The following NKAIN3 variants were observed in gnomAD, a reference collection of about 807,000 sequenced individuals.
NKAIN3 encodes sodium/potassium-transporting ATPase subunit beta-1-interacting protein 3.
Under a neutral mutation model 30.2 loss-of-function variants are expected in NKAIN3, and 25 were observed. The observed-to-expected ratio is 0.83, with a 90% CI of 0.60 to 1.16. The LOEUF is 1.16. NKAIN3 is among the 50% of genes most tolerant of loss of function. The pLI is 0.00. For missense variants in NKAIN3, 225 were observed against 254.1 expected, an observed-to-expected ratio of 0.89 and a Z score of 0.78; for synonymous variants, 91 against 89.6, an observed-to-expected ratio of 1.02 and a Z score of -0.09.
Position 62,896,214 on chromosome 8 carries a change from G to A in NKAIN3, c.472-22239G>A, listed in dbSNP as rs561498056. ...TGCCTTCTGTCTGTAACCTCACATG[G>A]TAGGGAAGAGAGACAAAAGGAGACC... On this transcript the variant is annotated intron_variant, in intron 4 of 6. Transcript: ENST00000623646. Among the ~76,000 whole-genome samples the A allele has an allele frequency of 1.7e-3, 264 of 152,158 alleles. 3 individuals carry two copies. The highest frequency in any genetic ancestry group is 1.9e-4 in the Non-Finnish European group (13 of 67,996).
intron 1 of NKAIN3, among the ~76,000 whole-genome samples, chr8:62,344,393 C>T (rs923743772): frequency 6.6e-6 from 1 of 151,942 alleles, no homozygotes; most frequent in Non-Finnish European, 1.5e-5. Flanking sequence ...GTTATCACAA[C>T]AATATTCATG....
intron 4 of NKAIN3, among the ~76,000 whole-genome samples, chr8:62,826,521 A>G (rs1819029845): frequency 6.6e-6 from 1 of 152,210 alleles, no homozygotes; most frequent in African/African-American, 2.4e-5. Context: ...ACTGTGTTAA[A>G]TAAGATTTCC....
chr8:62,848,168 T>C (rs941552324), intron 4 of NKAIN3, among the ~76,000 whole-genome samples: 1 of 152,198 alleles, frequency 6.6e-6, no homozygotes, highest in South Asian at 2.1e-4. Context: ...TTGGCTCTTT[T>C]CTGGTTTTAT....
chr8:62,661,088 G>A (rs1812929375), intron 3 of NKAIN3, among the ~76,000 whole-genome samples: 1 of 152,210 alleles, frequency 6.6e-6, no homozygotes, highest in South Asian at 2.1e-4. Context: ...CCAAAATTTA[G>A]AGTCAATAGA....
At chr8:62,410,254 C>G (rs150215595) in intron 1 of NKAIN3, among the ~76,000 whole-genome samples, 154 of 152,254 alleles carry the variant, frequency 1.0e-3, no homozygotes, top group African/African-American at 3.5e-3. Context: ...ATAATGGCCT[C>G]CAGTGCCACA....
chr8:62,275,944 G>T (rs1812940203), intron 1 of NKAIN3, among the ~76,000 whole-genome samples: 1 of 152,022 alleles, frequency 6.6e-6, no homozygotes, highest in Non-Finnish European at 1.5e-5. Context: ...AGAAACTCAG[G>T]GTATCTTTTT....
In NKAIN3 at chr8:62,984,538, A is replaced by C. The variant is rs1020348135; in HGVS notation, c.*19131A>C. The C allele has an allele frequency of 2.6e-5, 4 of 152,354 alleles. No homozygotes were observed. The highest frequency in any genetic ancestry group is 9.6e-5 in the African/African-American group (4 of 41,586). 9.4% of individuals were successfully genotyped at this position (152,354 alleles called of 1,614,324 possible). The stretch of plus-strand genomic sequence containing the variant: ...TTTCTACTGTCCCATAACACTGTGT[A>C]GTGACTTCACTGTATATTAACTTCT... On this transcript the variant is annotated 3_prime_UTR_variant, in exon 7 of 7. Transcript: ENST00000623646.
At position 62,982,603 on chromosome 8, in the gene NKAIN3, A is replaced by G. The variant is rs1824111787; in HGVS notation, c.*17196A>G. 1 of 152,204 alleles carries G rather than the reference A, an allele frequency of 6.6e-6. No individual in the cohort carries two copies. Among genetic ancestry groups the G allele is most frequent in the African/African-American group, 2.4e-5 (1 of 41,446 alleles). The allele number at this position is 152,204 out of a possible 1,614,324, so 9.4% of individuals were successfully genotyped here. A position where few individuals can be genotyped will look rare whatever the true frequency, so the allele number is the denominator to read the frequency against. On this transcript the variant is annotated 3_prime_UTR_variant, in exon 7 of 7. Transcript: ENST00000623646. ...AATGAGATGCTATCTCTGGAAAAAAATGAATAGATTTTCAAGATTGTGAGT... is the reference window on the plus strand; with the variant it reads ...AATGAGATGCTATCTCTGGAAAAAAGTGAATAGATTTTCAAGATTGTGAGT...
chr8:62,804,191 G>A (rs963912018), intron 4 of NKAIN3, among the ~76,000 whole-genome samples: 1 of 152,170 alleles, frequency 6.6e-6, no homozygotes, highest in Admixed American at 6.5e-5. Flanking sequence ...GGTACAAGGA[G>A]GAACTGGTAC....
At chr8:62,376,587 C>T (rs1441201309) in intron 1 of NKAIN3, among the ~76,000 whole-genome samples, 1 of 152,184 alleles carries the variant, frequency 6.6e-6, no homozygotes, top group Non-Finnish European at 1.5e-5. Flanking sequence ...GGCCTGTCTA[C>T]CTTGCTCTCT....
At chr8:62,805,257 C>T (rs1336161937) in intron 4 of NKAIN3, among the ~76,000 whole-genome samples, 1 of 151,852 alleles carries the variant, frequency 6.6e-6, no homozygotes, top group East Asian at 1.9e-4. Context: ...ATGCCATCCC[C>T]ATCAAGCTAC....
rs1460392269 is a variant in NKAIN3 at position 62,843,842 on chromosome 8, TCTGCTGTAAGAGGGAGTGCTGTTCA to T, written c.472-74606_472-74582del. ...TCTGTGTCTCCTTCTGAAAGGAAAG[TCTGCTGTAAGAGGGAGTGCTGTTCA>T]CTGCAACCTCACTCCTCTCCTTTGC... On this transcript the variant is annotated intron_variant, in intron 4 of 6. Coordinates refer to ENST00000623646, the MANE Select transcript of NKAIN3 (RefSeq NM_001304533.3). Among the ~76,000 whole-genome samples the T allele has an allele frequency of 6.6e-5, 10 of 152,236 alleles. No individual in the cohort carries two copies. In the East Asian group the frequency reaches 1.9e-3, roughly 29 times the overall value.
chr8:62,557,540 C>G (rs1443744299), intron 1 of NKAIN3, among the ~76,000 whole-genome samples: 2 of 152,070 alleles, frequency 1.3e-5, no homozygotes, highest in Non-Finnish European at 2.9e-5. Context: ...TAGAAGTGTT[C>G]CCTGTTTACC....
At chr8:62,897,769 G>T (rs933774502) in intron 4 of NKAIN3, among the ~76,000 whole-genome samples, 1 of 152,046 alleles carries the variant, frequency 6.6e-6, no homozygotes, top group Non-Finnish European at 1.5e-5. Context: ...CATGGTAATG[G>T]ATTAGTTTCT....
chr8:62,538,406 C>T (rs1808733410), intron 1 of NKAIN3, among the ~76,000 whole-genome samples: 1 of 152,126 alleles, frequency 6.6e-6, no homozygotes, highest in African/African-American at 2.4e-5. Context: ...AGCTCCTGAG[C>T]TCAAGCAATT....
At chr8:62,858,307 G>A (rs1820126193) in intron 4 of NKAIN3, among the ~76,000 whole-genome samples, 2 of 152,114 alleles carry the variant, frequency 1.3e-5, no homozygotes, top group South Asian at 4.1e-4. Context: ...ACTTTGTTTG[G>A]GAGGTCTCAC....
rs151019333 is a variant in NKAIN3, at chr8:62,765,570, G to A, written c.471+18441G>A. 1.1e-3 allele frequency among the ~76,000 whole-genome samples: 164 copies of A among 152,222 alleles called. 1 individual carries two copies. Among genetic ancestry groups the A allele is most frequent in the African/African-American group, 3.6e-3 (148 of 41,536 alleles). ...AGTCAGAATTTATATTTGTATAGGA[G>A]CTAGGGTATAAGAAAGGATGAGTCA... On this transcript the variant is annotated intron_variant, in intron 4 of 6. Transcript: ENST00000623646.
At chr8:62,991,113 C>T (rs1824309993) in intron 5 of NKAIN3, 1 of 152,252 alleles carries the variant, frequency 6.6e-6, no homozygotes, top group Admixed American at 6.5e-5. Flanking sequence ...GAACAATGTT[C>T]AGGGAACTGA....
At chr8:62,916,272 A>C (rs1039624928) in intron 4 of NKAIN3, among the ~76,000 whole-genome samples, 1 of 152,232 alleles carries the variant, frequency 6.6e-6, no homozygotes, top group Non-Finnish European at 1.5e-5. Flanking sequence ...ATAGAACATT[A>C]ATACATAGCA....
Sources: gnomAD v4.1 joint callset for allele counts (sites outside exome capture counted in the v4.1 genomes callset) on GRCh38, gnomAD v4.1.1 for gene constraint, MANE v1.5 for transcripts, NCBI Gene and HGNC (gene_info 2026-07-23, HGNC 2026-07-21) for gene names.